Variants in MRPL45 observed in about 807,000 individuals in gnomAD.
MRPL45 encodes mitochondrial ribosomal protein L45.
Under a neutral mutation model 38.1 loss-of-function variants are expected in MRPL45, and 20 were observed. The ratio of observed to expected loss-of-function variants is 0.53; its 90% confidence interval spans 0.37 to 0.76. The LOEUF (loss-of-function observed/expected upper bound fraction) is 0.76, where lower values mean the gene tolerates loss of function less well. MRPL45 is among the 30% of genes least tolerant of loss of function. The pLI, the probability that MRPL45 is intolerant of heterozygous loss-of-function variation, is 0.00. For missense variants in MRPL45, 337 were observed against 395.6 expected (o/e 0.85, Z 1.26); for synonymous variants, 105 against 128.8 (o/e 0.82, Z 1.25).
chr17:38,322,666 C>T lies in MRPL45; in HGVS notation c.*71C>T. ...GGAAGCTTTGAAGTCTCCCATTCCC[C>T]TCATGCTATAAAAAGAACTACCTTT... On this transcript the variant is annotated 3_prime_UTR_variant, in exon 8 of 8. Transcript: ENST00000613675. 8.5e-7 allele frequency: 1 copy of T among 1,183,220 alleles called. No homozygotes were observed. Among genetic ancestry groups the T allele is most frequent in the Non-Finnish European group, 1.2e-6 (1 of 815,504 alleles). The allele number at this position is 1,183,220 out of a possible 1,614,324, so 73.3% of individuals were successfully genotyped here. A position where few individuals can be genotyped will look rare whatever the true frequency, so the allele number is the denominator to read the frequency against.
chr17:38,316,737 C>CAAAAAAAAA (rs61383463), intron 4 of MRPL45, among the ~76,000 whole-genome samples: 2 of 61,214 alleles, frequency 3.3e-5, no homozygotes, highest in Non-Finnish European at 6.2e-5. Flanking sequence ...TGGTGCAATC[C>CAAAAAAAAA]AAAAAAAAAA....
intron 4 of MRPL45, among the ~76,000 whole-genome samples, chr17:38,308,851 G>T (rs530913104): frequency 2.6e-5 from 4 of 151,730 alleles, no homozygotes; most frequent in Admixed American, 2.6e-4. Context: ...TTTCTGTTGA[G>T]AAATTAACTT....
chr17:38,299,390 C>A lies in MRPL45; in HGVS notation c.284C>A (p.Ala95Glu), dbSNP rs1315764772. 1 of 1,611,474 alleles carries A rather than the reference C, an allele frequency of 6.2e-7. No individual in the cohort carries two copies. The change falls in exon 3 of 8, where the codon GCA (alanine) becomes GAA (glutamate). Residue 95 changes from alanine (A) to glutamate (E), a missense_variant. Physicochemically the swap from Ala to Glu is moderately radical, Grantham distance 107 (BLOSUM62 -1). Coordinates refer to ENST00000613675, the MANE Select transcript of MRPL45 (RefSeq NM_032351.6). ...FDAYVPPEGD[A>E]RISSLSKEGL... ...GCCTATGTTCCTCCTGAGGGTGATG[C>A]ACGCATATCATCTCTTTCAAAGGAG...
At chr17:38,310,322 GT>G (rs1432955669) in intron 4 of MRPL45, among the ~76,000 whole-genome samples, 1 of 146,220 alleles carries the variant, frequency 6.8e-6, no homozygotes, top group Non-Finnish European at 1.5e-5. Flanking sequence ...TGTCATTTTT[GT>G]TTTTGTTTTT....
chr17:38,313,659 G>T (rs1179186266), intron 4 of MRPL45, among the ~76,000 whole-genome samples: 3 of 150,784 alleles, frequency 2.0e-5, no homozygotes, highest in Admixed American at 6.6e-5. Flanking sequence ...CTTCTTTGAA[G>T]AAAGGTCTTT....
In MRPL45 at chr17:38,299,382, G is replaced by A; in HGVS notation, c.276G>A (p.Glu92=). 5.6e-6 allele frequency: 9 copies of A among 1,609,968 alleles called. No individual in the cohort carries two copies. Among genetic ancestry groups the A allele is most frequent in the Non-Finnish European group, 7.6e-6 (9 of 1,179,254 alleles). ...TATTTGATGCCTATGTTCCTCCTGAGGGTGATGCACGCATATCATCTCTTT... is the reference window on the plus strand; with the variant it reads ...TATTTGATGCCTATGTTCCTCCTGAAGGTGATGCACGCATATCATCTCTTT... The part of the protein sequence containing the change: ...AGIFDAYVPP[E]GDARISSLSK... Residue 92 remains glutamate, a synonymous_variant, in exon 3 of 8, where the codon GAG becomes GAA. Transcript: ENST00000613675.
Position 38,322,751 on chromosome 17 carries a change from T to G in MRPL45, c.*156T>G, listed in dbSNP as rs551844624. The G allele has an allele frequency of 2.1e-5, 13 of 610,908 alleles. No individual in the cohort carries two copies. In the East Asian group the frequency reaches 3.6e-4, roughly 17 times the overall value. The allele number at this position is 610,908 out of a possible 1,614,324, so 37.8% of individuals were successfully genotyped here. A position where few individuals can be genotyped will look rare whatever the true frequency, so the allele number is the denominator to read the frequency against. The stretch of plus-strand genomic sequence containing the variant: ...TCTCATCATCAGCAACCATGACTGA[T>G]GACTGGGCCCTAGCAGGTGGCAGGT... On this transcript the variant is annotated 3_prime_UTR_variant, in exon 8 of 8. Coordinates refer to ENST00000613675, the MANE Select transcript of MRPL45 (RefSeq NM_032351.6).
At chr17:38,318,878 A>C (rs969653057) in intron 5 of MRPL45, 143 bp downstream of exon 5, 8 of 695,270 alleles carry the variant, frequency 1.2e-5, no homozygotes, top group African/African-American at 6.3e-5. Flanking sequence ...CCCAGGCTGG[A>C]GTGCAATGGT....
intron 4 of MRPL45, among the ~76,000 whole-genome samples, chr17:38,312,748 G>A (rs2037124652): frequency 6.6e-6 from 1 of 151,736 alleles, no homozygotes; most frequent in Admixed American, 6.6e-5. Flanking sequence ...AGGTGCTAAG[G>A]CAGAAGGATT....
rs368019935 is a variant in MRPL45 at position 38,307,283 on chromosome 17, G to A, written c.461+652G>A. 3.8e-3 allele frequency among the ~76,000 whole-genome samples: 576 copies of A among 151,290 alleles called. 4 individuals carry two copies. The highest frequency in any genetic ancestry group is 0.013 in the African/African-American group (549 of 41,226). On this transcript the variant is annotated intron_variant, in intron 4 of 7. Transcript: ENST00000613675. The stretch of plus-strand genomic sequence containing the variant: ...ACTCCTGACCTCAGGCAACCTGCCC[G>A]CCTCGGCCTCCCAAAGTGCTAGGAT...
At chr17:38,300,436 T>A (rs898102967) in intron 3 of MRPL45, among the ~76,000 whole-genome samples, 1 of 152,072 alleles carries the variant, frequency 6.6e-6, no homozygotes, top group Non-Finnish European at 1.5e-5. Context: ...AATTCTGGGA[T>A]TACAGGTGTG....
intron 5 of MRPL45, among the ~76,000 whole-genome samples, chr17:38,319,140 A>G (rs994185215): frequency 1.3e-5 from 2 of 151,646 alleles, no homozygotes; most frequent in Non-Finnish European, 2.9e-5. Context: ...GGTTCACGCC[A>G]TTCTCCTGCC....
intron 4 of MRPL45, among the ~76,000 whole-genome samples, chr17:38,315,499 C>A (rs2037164856): frequency 6.6e-6 from 1 of 151,654 alleles, no homozygotes; most frequent in African/African-American, 2.4e-5. Flanking sequence ...GAACTCCTGG[C>A]CTCAAGTGAT....
intron 4 of MRPL45, among the ~76,000 whole-genome samples, chr17:38,314,465 T>C (rs1039233623): frequency 9.2e-5 from 14 of 152,198 alleles, no homozygotes; most frequent in Non-Finnish European, 1.9e-4. Flanking sequence ...TGAAATCCAG[T>C]TTTTCAAGTT....
At chr17:38,314,497 G>A (rs1468536989) in intron 4 of MRPL45, among the ~76,000 whole-genome samples, 1 of 152,074 alleles carries the variant, frequency 6.6e-6, no homozygotes, top group Non-Finnish European at 1.5e-5. Context: ...TTACCATATC[G>A]AGTTTTTTCT....
chr17:38,322,286 A>G lies in MRPL45; in HGVS notation c.821A>G (p.Gln274Arg). 1.2e-6 allele frequency: 2 copies of G among 1,613,992 alleles called. No individual in the cohort carries two copies. The highest frequency in any genetic ancestry group is 1.1e-5 in the South Asian group (1 of 91,076). The change falls in exon 7 of 8, where the codon CAG (glutamine) becomes CGG (arginine). Residue 274 changes from glutamine to arginine, a missense_variant. By Grantham distance (43) the Gln-to-Arg change is conservative. Around this residue, in one of 3 missense-constraint regions of MRPL45, gnomAD observed 251 missense variants for 269.1 expected, o/e 0.93. Coordinates refer to ENST00000613675, the MANE Select transcript of MRPL45 (RefSeq NM_032351.6). ...KIVPPWAPPK[Q>R]PILKTVMIPG... ...GTTCCCCCATGGGCACCCCCTAAGC[A>G]GCCCATCCTTAAGGTAAGGTGGCTT...
At chr17:38,312,631 C>T (rs764607063) in intron 4 of MRPL45, among the ~76,000 whole-genome samples, 9 of 151,828 alleles carry the variant, frequency 5.9e-5, no homozygotes, top group Non-Finnish European at 1.3e-4. Context: ...TTTTGGAGGC[C>T]GAAGTGGGAG....
chr17:38,299,042 A>G (rs978376375), intron 2 of MRPL45, among the ~76,000 whole-genome samples: 1 of 150,336 alleles, frequency 6.7e-6, no homozygotes, highest in African/African-American at 2.4e-5. Context: ...GGCACCTGCC[A>G]CCATGCCCGG....
At chr17:38,313,564 G>C (rs954974096) in intron 4 of MRPL45, among the ~76,000 whole-genome samples, 2 of 150,032 alleles carry the variant, frequency 1.3e-5, no homozygotes, top group African/African-American at 4.9e-5. Flanking sequence ...GTGAAGTGTA[G>C]TATCTCATTA....
Sources: allele counts gnomAD v4.1 joint callset (sites outside exome capture counted in the v4.1 genomes callset), GRCh38; gene constraint gnomAD v4.1.1; regional missense constraint gnomAD v4.1.1; transcripts MANE v1.5; gene names NCBI Gene and HGNC (gene_info 2026-07-23, HGNC 2026-07-21).